MAP7: variants seen among roughly 807,000 people sequenced by gnomAD.
MAP7 encodes microtubule associated protein 7.
MAP7 carries 52 observed loss-of-function variants against 94.8 expected under a neutral mutation model. The observed-to-expected ratio is 0.55, with a 90% confidence interval of 0.44 to 0.69. The LOEUF is 0.69. Ranked by LOEUF, MAP7 falls within the 30% of genes least tolerant of loss-of-function variation. MAP7 has a pLI of 0.00. For synonymous variants in MAP7, 350 were observed against 357.0 expected, an observed-to-expected ratio of 0.98 and a Z score of 0.22; for missense variants, 940 against 964.6, an observed-to-expected ratio of 0.97 and a Z score of 0.34.
At chr6:136,530,305 T>G (rs1489329265) in intron 1 of MAP7, among the ~76,000 whole-genome samples, 1 of 152,240 alleles carries the variant, frequency 6.6e-6, no homozygotes, top group African/African-American at 2.4e-5. Context: ...GTATAAGTTA[T>G]TTACTTTTCA....
At chr6:136,413,643 C>T (rs1788238611) in intron 2 of MAP7, among the ~76,000 whole-genome samples, 1 of 151,914 alleles carries the variant, frequency 6.6e-6, no homozygotes, top group Non-Finnish European at 1.5e-5. Context: ...GAGACAGAGT[C>T]TCGTGTCATC....
chr6:136,361,620 G>A (rs1792808748), intron 11 of MAP7, among the ~76,000 whole-genome samples: 1 of 152,252 alleles, frequency 6.6e-6, no homozygotes, highest in Non-Finnish European at 1.5e-5. Context: ...CCAAGGGAAA[G>A]GCATGGCCAA....
At chr6:136,371,108 T>C (rs1031446518) in intron 8 of MAP7, among the ~76,000 whole-genome samples, 1 of 152,078 alleles carries the variant, frequency 6.6e-6, no homozygotes, top group Non-Finnish European at 1.5e-5. Context: ...AAGACAGCTA[T>C]GTGATTAAAT....
intron 2 of MAP7, among the ~76,000 whole-genome samples, chr6:136,417,140 T>C (rs1789749194): frequency 6.6e-6 from 1 of 152,148 alleles, no homozygotes; most frequent in Non-Finnish European, 1.5e-5. Context: ...AAATAATGTA[T>C]ATTCCACATT....
chr6:136,457,755 C>T (rs1299883719), intron 1 of MAP7, among the ~76,000 whole-genome samples: 1 of 151,968 alleles, frequency 6.6e-6, no homozygotes, highest in African/African-American at 2.4e-5. Flanking sequence ...ATTTGATATC[C>T]TTTCATGACA....
intron 1 of MAP7, among the ~76,000 whole-genome samples, chr6:136,484,896 T>C (rs529826489): frequency 3.3e-5 from 5 of 152,274 alleles, no homozygotes; most frequent in Admixed American, 2.6e-4. Flanking sequence ...GGTCTTACTA[T>C]GTTTCCCAAC....
chr6:136,460,079 ATGT>A (rs925147120), intron 1 of MAP7, among the ~76,000 whole-genome samples: 2 of 152,102 alleles, frequency 1.3e-5, no homozygotes, highest in Admixed American at 6.6e-5. Context: ...ACTTAACAAA[ATGT>A]TGTAAGATGT....
Position 136,360,708 on chromosome 6 carries a change from C to T in MAP7, c.1792G>A (p.Glu598Lys), listed in dbSNP as rs1217593494. ...TAAGACGCAGCTACCTTCTTTCTCT[C>T]CAGGCGCTCTTGCTCTTCTCTCTGG... ...HFQREEQERL[E>K]RKKRLEEIMK... Residue 598 changes from glutamate to lysine, a missense_variant, in exon 13 of 18, where the codon GAG (glutamate) becomes AAG (lysine). By Grantham distance (56) the Glu-to-Lys change is moderately conservative. Transcript: ENST00000354570. The T allele has an allele frequency of 6.2e-7, 1 of 1,614,014 alleles. No individual in the cohort carries two copies. The highest frequency in any genetic ancestry group is 1.3e-5 in the African/African-American group (1 of 74,940).
chr6:136,418,191 G>C (rs575547747), intron 2 of MAP7, among the ~76,000 whole-genome samples: 11 of 152,168 alleles, frequency 7.2e-5, no homozygotes, highest in African/African-American at 2.7e-4. Flanking sequence ...ACACCACGAG[G>C]GACTTCTGTA....
intron 1 of MAP7, among the ~76,000 whole-genome samples, chr6:136,442,248 C>CA (rs1273993169): frequency 2.0e-5 from 3 of 149,120 alleles, no homozygotes; most frequent in Middle Eastern, 3.6e-3. Flanking sequence ...ACTAAAAATA[C>CA]AAAAAAATTA....
chr6:136,367,514 AT>A (rs1194382014), intron 8 of MAP7, among the ~76,000 whole-genome samples: 8 of 151,920 alleles, frequency 5.3e-5, no homozygotes, highest in African/African-American at 1.9e-4. Context: ...GTCCCTTTTA[AT>A]TGCTTCCCTC....
chr6:136,389,556 C>T lies in MAP7; in HGVS notation c.245-39G>A, dbSNP rs753492210. On this transcript the variant is annotated intron_variant, in intron 3 of 17. Coordinates refer to ENST00000354570, the MANE Select transcript of MAP7 (RefSeq NM_003980.6). ...TAAAAAAAAAAAAAAAGAGGGAAAT[C>T]AAATATAGGCAGGTTGCAAACTTGA... 46 of 1,565,734 alleles carry T rather than the reference C, an allele frequency of 2.9e-5. No individual in the cohort carries two copies. The South Asian group carries it at 4.7e-4, about 16-fold the overall frequency.
intron 6 of MAP7, among the ~76,000 whole-genome samples, chr6:136,378,919 G>C (rs1010693508): frequency 6.6e-5 from 10 of 152,236 alleles, no homozygotes; most frequent in Middle Eastern, 3.4e-3. Context: ...TTAAGACAGG[G>C]ATCTTGCCAT....
At chr6:136,393,989 T>A (rs1288167567) in intron 3 of MAP7, among the ~76,000 whole-genome samples, 1 of 144,090 alleles carries the variant, frequency 6.9e-6, no homozygotes, top group African/African-American at 2.6e-5. Flanking sequence ...TTTTTTTTTT[T>A]TTTTTTTTTT....
intron 3 of MAP7, among the ~76,000 whole-genome samples, chr6:136,398,967 T>C (rs1783299751): frequency 6.6e-6 from 1 of 152,144 alleles, no homozygotes. Context: ...GGAGCATATA[T>C]TTTACTGCTG....
rs530607858 is a variant in MAP7 at position 136,361,856 on chromosome 6, T to C, written c.1526+594A>G. ...AAGGAGAAAACATGAACCCTTATTA[T>C]GCAGCCTTAATGTGATAATTACAAA... On this transcript the variant is annotated intron_variant, in intron 11 of 17. Transcript: ENST00000354570. 2.6e-5 allele frequency among the ~76,000 whole-genome samples: 4 copies of C among 152,288 alleles called. No homozygotes were observed. The East Asian group carries it at 5.8e-4, about 22-fold the overall frequency.
chr6:136,374,761 A>C (rs889178422), intron 7 of MAP7, among the ~76,000 whole-genome samples: 2 of 152,148 alleles, frequency 1.3e-5, no homozygotes, highest in African/African-American at 2.4e-5. Context: ...ACATCCTCAA[A>C]TTTAGTCCAA....
intron 1 of MAP7, among the ~76,000 whole-genome samples, chr6:136,529,976 T>C (rs117963147): frequency 0.024 from 3,641 of 152,272 alleles, 62 homozygotes; most frequent in Non-Finnish European, 0.037. Flanking sequence ...CACAATGCTA[T>C]ATAAAAGACT....
intron 1 of MAP7, among the ~76,000 whole-genome samples, chr6:136,444,951 A>G (rs781781078): frequency 2.6e-5 from 4 of 151,970 alleles, no homozygotes; most frequent in Non-Finnish European, 5.9e-5. Flanking sequence ...GCTACTCTCT[A>G]CTCTGTAGAG....
Sources: allele counts gnomAD v4.1 joint callset (sites outside exome capture counted in the v4.1 genomes callset), GRCh38; gene constraint gnomAD v4.1.1; transcripts MANE v1.5; gene names NCBI Gene and HGNC (gene_info 2026-07-23, HGNC 2026-07-21).